The following RNASEH2B variants were observed in gnomAD, a reference collection of about 807,000 sequenced individuals.
The protein encoded by RNASEH2B is ribonuclease H2 subunit B.
RNASEH2B carries 36 observed loss-of-function variants against 45.0 expected under a neutral mutation model. The ratio of observed to expected loss-of-function variants is 0.80; its 90% CI spans 0.61 to 1.06. The LOEUF (loss-of-function observed/expected upper bound fraction) is 1.06. Ranked by LOEUF, RNASEH2B falls within the 50% of genes least tolerant of loss-of-function variation. The pLI is 0.00. For missense variants in RNASEH2B, 361 were observed against 360.3 expected (o/e 1.00, Z -0.02); for synonymous variants, 119 against 125.7 (o/e 0.95, Z 0.35).
chr13:50,926,073 T>C (rs1009655351), intron 1 of RNASEH2B, among the ~76,000 whole-genome samples: 2 of 151,176 alleles, frequency 1.3e-5, no homozygotes, highest in Admixed American at 1.3e-4. Flanking sequence ...GTCTGGTGTT[T>C]TGTGGGTTTT....
At chr13:50,943,841 A>T (rs1209284664) in intron 6 of RNASEH2B, among the ~76,000 whole-genome samples, 2 of 152,202 alleles carry the variant, frequency 1.3e-5, no homozygotes, top group Non-Finnish European at 2.9e-5. Context: ...GGGTCTGGAC[A>T]CTGATGAGGG....
chr13:50,924,610 G>A (rs1001386020), intron 1 of RNASEH2B, among the ~76,000 whole-genome samples: 1 of 152,210 alleles, frequency 6.6e-6, no homozygotes, highest in Non-Finnish European at 1.5e-5. Flanking sequence ...CCAGGCTGGA[G>A]TACAGTGGTG....
intron 9 of RNASEH2B, among the ~76,000 whole-genome samples, chr13:50,966,913 T>G (rs954769928): frequency 1.3e-5 from 2 of 152,020 alleles, no homozygotes; most frequent in Non-Finnish European, 2.9e-5. Flanking sequence ...ATAAATAAAG[T>G]GAAAAAAGGA....
intron 1 of RNASEH2B, 76 bp downstream of exon 1, chr13:50,910,216 C>G (rs1879277912): frequency 8.9e-7 from 1 of 1,121,456 alleles, no homozygotes; most frequent in Non-Finnish European, 1.2e-6. Context: ...CGCGCCGCCC[C>G]CCACCCCGGT....
intron 1 of RNASEH2B, among the ~76,000 whole-genome samples, chr13:50,919,174 G>A (rs536201959): frequency 9.2e-5 from 14 of 152,336 alleles, no homozygotes; most frequent in African/African-American, 3.4e-4. Context: ...TCTTAACCAA[G>A]AGAGGGATAA....
In RNASEH2B at chr13:50,910,125, G is replaced by C. The variant is rs996507964; in HGVS notation, c.49G>C (p.Val17Leu). 1 of 1,458,306 alleles carries C rather than the reference G, an allele frequency of 6.9e-7. No individual in the cohort carries two copies. The highest frequency in any genetic ancestry group is 2.6e-5 in the Admixed American group (1 of 38,168). 90.3% of individuals were successfully genotyped at this position (1,458,306 alleles called of 1,614,324 possible). The change falls in exon 1 of 11, where the codon GTG becomes CTG. Residue 17 changes from valine to leucine, a missense_variant. By Grantham distance (32) the Val-to-Leu change is conservative. Transcript: ENST00000336617. ...GGACGGGGTTGGCGCCCGGCAGCAC[G>C]TGTTCCTGGTTTCAGGTAAACACGC... ...CGDGVGARQH[V>L]FLVSEYLKDA...
intron 2 of RNASEH2B, among the ~76,000 whole-genome samples, chr13:50,928,011 A>G (rs1165641943): frequency 6.6e-6 from 1 of 151,758 alleles, no homozygotes; most frequent in East Asian, 1.9e-4. Flanking sequence ...TTAAATGATA[A>G]GCATTGTTTA....
chr13:50,927,501 G>T, intron 2 of RNASEH2B, 23 bp downstream of exon 2: 1 of 1,449,134 alleles, frequency 6.9e-7, no homozygotes, highest in South Asian at 1.1e-5. Flanking sequence ...CTCATAACTT[G>T]AATGTTCTTA....
In RNASEH2B at chr13:50,948,016, A is replaced by G. The variant is rs1330811970; in HGVS notation, c.646A>G (p.Ile216Val). The part of the protein sequence containing the change: ...EDYIRYAHGL[I>V]SDYIPKELSD... Reference sequence around the variant, plus strand: ...TTATATTCGTTATGCCCATGGTCTGATATCTGACTACATCCCTAAAGAATT... The same window carrying G: ...TTATATTCGTTATGCCCATGGTCTGGTATCTGACTACATCCCTAAAGAATT... The change falls in exon 8 of 11, where the codon ATA (isoleucine) becomes GTA (valine). Residue 216 changes from isoleucine to valine, a missense_variant. By Grantham distance (29) the Ile-to-Val change is conservative. Transcript: ENST00000336617. 2.5e-6 allele frequency: 4 copies of G among 1,610,568 alleles called. No individual in the cohort carries two copies. The highest frequency in any genetic ancestry group is 2.2e-5 in the East Asian group (1 of 44,768).
chr13:50,956,176 C>T (rs929376630), intron 10 of RNASEH2B, 182 bp from the exon 11 acceptor site: 2 of 562,476 alleles, frequency 3.6e-6, no homozygotes, highest in African/African-American at 1.9e-5. Flanking sequence ...TTAACATATT[C>T]TGTCTCTTAG....
intron 1 of RNASEH2B, among the ~76,000 whole-genome samples, chr13:50,925,136 T>G (rs9535530): frequency 0.24 from 36,067 of 152,070 alleles, 4,992 homozygotes; most frequent in Non-Finnish European, 0.32. Context: ...TTACTGTGTC[T>G]TCAAGTTCAT....
At chr13:50,958,518 G>T (rs1313626649), downstream of RNASEH2B, among the ~76,000 whole-genome samples, 1 of 152,114 alleles carries the variant, frequency 6.6e-6, no homozygotes, top group African/African-American at 2.4e-5. Flanking sequence ...TTGCAGTTGG[G>T]TAATGTGATA....
chr13:50,963,411 A>G (rs1468774864), intron 9 of RNASEH2B, among the ~76,000 whole-genome samples: 1 of 151,864 alleles, frequency 6.6e-6, no homozygotes, highest in Admixed American at 6.6e-5. Flanking sequence ...TGATCCGCCC[A>G]CCTCAGCCTC....
chr13:50,927,202 G>A lies in RNASEH2B; in HGVS notation c.65-205G>A, dbSNP rs553119017. ...CCCCTGCTTCTCATCATTCCTCATAGCAATACATTTAAACTACCTGAAATT... is the reference window on the plus strand; with the variant it reads ...CCCCTGCTTCTCATCATTCCTCATAACAATACATTTAAACTACCTGAAATT... On this transcript the variant is annotated intron_variant, in intron 1 of 10. Transcript: ENST00000336617. 649 of 483,212 alleles carry A rather than the reference G, an allele frequency of 1.3e-3. 3 individuals carry two copies. Among genetic ancestry groups the A allele is most frequent in the Non-Finnish European group, 2.2e-3 (573 of 262,358 alleles). 29.9% of individuals were successfully genotyped at this position (483,212 alleles called of 1,614,324 possible). A position where few individuals can be genotyped will look rare whatever the true frequency, so the allele number is the denominator to read the frequency against.
chr13:50,942,662 C>T (rs935332768), intron 5 of RNASEH2B: 1 of 152,304 alleles, frequency 6.6e-6, no homozygotes, highest in African/African-American at 2.4e-5. Flanking sequence ...AGACAGGTCT[C>T]AGTCAATTTA....
At chr13:50,927,522 C>CT (rs1566079116) in intron 2 of RNASEH2B, 44 bp downstream of exon 2, 2 of 1,207,774 alleles carry the variant, frequency 1.7e-6, no homozygotes, top group Non-Finnish European at 2.5e-6. Context: ...AATGTTGTGG[C>CT]TAATGAGTAT....
intron 9 of RNASEH2B, among the ~76,000 whole-genome samples, chr13:50,965,222 T>G (rs1788241381): frequency 6.6e-6 from 1 of 152,220 alleles, no homozygotes; most frequent in South Asian, 2.1e-4. Context: ...TACTATTGTT[T>G]TACAGTTGCC....
chr13:50,929,783 G>A lies in RNASEH2B; in HGVS notation c.244+201G>A, dbSNP rs974038848. Among the ~76,000 whole-genome samples the A allele has an allele frequency of 3.3e-5, 5 of 152,164 alleles. No individual in the cohort carries two copies. The South Asian group carries it at 6.2e-4, about 19-fold the overall frequency. On this transcript the variant is annotated intron_variant, in intron 3 of 10. Coordinates refer to ENST00000336617, the MANE Select transcript of RNASEH2B (RefSeq NM_024570.4). ...GTTAAGTCATCTCCTGTGTGTCTTA[G>A]ACGGTAGGAAGTTTTAAACTAGCAA...
chr13:50,954,481 T>A (rs1212145778), intron 10 of RNASEH2B: 1 of 164,952 alleles, frequency 6.1e-6, no homozygotes, highest in Non-Finnish European at 1.3e-5. Flanking sequence ...AACATTAAAT[T>A]GTGAAAATGT....
Sources: allele counts gnomAD v4.1 joint callset (sites outside exome capture counted in the v4.1 genomes callset), GRCh38; gene constraint gnomAD v4.1.1; transcripts MANE v1.5; gene names NCBI Gene and HGNC (gene_info 2026-07-23, HGNC 2026-07-21).